Variants in ADAP1 observed in about 807,000 individuals in gnomAD.
ADAP1 encodes the protein arf-GAP with dual PH domain-containing protein 1.
Under a neutral mutation model 54.9 loss-of-function variants are expected in ADAP1, and 31 were observed. The observed-to-expected ratio is 0.56, with a 90% confidence interval of 0.42 to 0.76. ADAP1 has a LOEUF of 0.76. Among genes scored for constraint, ADAP1 ranks in the 30% least tolerant of loss-of-function variants. The pLI is 0.00. For synonymous variants in ADAP1, 313 were observed against 202.6 expected (o/e 1.55, Z -4.63); for missense variants, 535 against 512.4 (o/e 1.04, Z -0.42).
chr7:905,298 CAGG>C, intron 4 of ADAP1, 126 bp from the exon 5 acceptor site: 1 of 260,236 alleles, frequency 3.8e-6, no homozygotes, highest in Non-Finnish European at 6.7e-6. Flanking sequence ...GGGACACGGA[CAGG>C]GGGAGACGGA....
rs1487433822 is a variant in ADAP1 at position 945,038 on chromosome 7, G to A, written c.82+9358C>T. The stretch of plus-strand genomic sequence containing the variant: ...TGAGTATGCTGAAGCTCTGCAGGGT[G>A]GGCTCACGTGTGTGTGTGCAGGTGT... On this transcript the variant is annotated intron_variant, in intron 1 of 10. Transcript: ENST00000265846. This position sits in a 1 kb window ranked among gnomAD's most constrained non-coding sequence, Gnocchi z 4.2. 5.9e-5 allele frequency among the ~76,000 whole-genome samples: 9 copies of A among 152,156 alleles called. No homozygotes were observed. Among genetic ancestry groups the A allele is most frequent in the African/African-American group, 2.4e-5 (1 of 41,436 alleles).
At chr7:906,686 A>G (rs1845415543) in intron 4 of ADAP1, among the ~76,000 whole-genome samples, 1 of 66,264 alleles carries the variant, frequency 1.5e-5, no homozygotes, top group Admixed American at 1.6e-4. Flanking sequence ...GACAGGGGAC[A>G]CGGGGGACAT....
chr7:947,898 G>A (rs1026924071), intron 1 of ADAP1, among the ~76,000 whole-genome samples: 8 of 150,926 alleles, frequency 5.3e-5, no homozygotes, highest in Non-Finnish European at 8.8e-5. Flanking sequence ...CTCTGACCCC[G>A]TCTCCCCGCC....
chr7:921,824 G>A (rs1218268633), intron 3 of ADAP1, among the ~76,000 whole-genome samples: 1 of 152,206 alleles, frequency 6.6e-6, no homozygotes, highest in Non-Finnish European at 1.5e-5. Context: ...GGAAGCCGGG[G>A]GCCTGTGGAT....
At position 920,566 on chromosome 7, in the gene ADAP1, G is replaced by A. The variant is rs551924921; in HGVS notation, c.306-516C>T. 8.3e-4 allele frequency among the ~76,000 whole-genome samples: 126 copies of A among 152,232 alleles called. No homozygotes were observed. Among genetic ancestry groups the A allele is most frequent in the Non-Finnish European group, 1.5e-3 (105 of 67,980 alleles). On this transcript the variant is annotated intron_variant, in intron 3 of 10. Coordinates refer to ENST00000265846, the MANE Select transcript of ADAP1 (RefSeq NM_006869.4). The surrounding 1 kb of genome is among the most constrained non-coding windows in gnomAD (Gnocchi z 4.5). ...CGTGCCGCCCTCCACGTGGTTCTGAGACACAGGACGGAGCTATCAGGGCAC... is the reference window on the plus strand; with the variant it reads ...CGTGCCGCCCTCCACGTGGTTCTGAAACACAGGACGGAGCTATCAGGGCAC...
chr7:941,953 G>A (rs920707227), intron 1 of ADAP1, among the ~76,000 whole-genome samples: 7 of 152,210 alleles, frequency 4.6e-5, no homozygotes, highest in East Asian at 1.9e-4. Context: ...ACGGATAAAC[G>A]GATCAATGGA....
intron 1 of ADAP1, among the ~76,000 whole-genome samples, chr7:937,625 G>A (rs1340600124): frequency 5.3e-5 from 5 of 94,072 alleles, no homozygotes; most frequent in African/African-American, 1.4e-4. Context: ...TGGGATTTGG[G>A]GGTCACGCCC....
chr7:934,595 A>C (rs1017744319), intron 2 of ADAP1, among the ~76,000 whole-genome samples: 1 of 151,880 alleles, frequency 6.6e-6, no homozygotes, highest in Non-Finnish European at 1.5e-5. Context: ...TGACCCTCCC[A>C]CCGGGTCTTC....
At chr7:906,503 GGGAGAAA>G (rs1166062478) in intron 4 of ADAP1, among the ~76,000 whole-genome samples, 98 of 1,040 alleles carry the variant, frequency 0.094, 4 homozygotes, top group Non-Finnish European at 0.13. Flanking sequence ...AAAGGAGAAA[GGGAGAAA>G]GGAGAAAGGA....
rs538864324 is a variant in ADAP1, at chr7:914,768, G to A, written c.388+5200C>T. 1.1e-4 allele frequency among the ~76,000 whole-genome samples: 16 copies of A among 152,318 alleles called. No individual in the cohort carries two copies. In the South Asian group the frequency reaches 1.2e-3, roughly 12 times the overall value. On this transcript the variant is annotated intron_variant, in intron 4 of 10. Coordinates refer to ENST00000265846, the MANE Select transcript of ADAP1 (RefSeq NM_006869.4). ...TCACAGGGCCCTGGAACCCCGCCCT[G>A]CACAGCACCCAGAGACAGCAGCCTG...
rs1562915190 is a variant in ADAP1 at position 906,692 on chromosome 7, GACAT to G, written c.389-1524_389-1521del. 1.2e-4 allele frequency among the ~76,000 whole-genome samples: 5 copies of G among 41,160 alleles called. 1 individual carries two copies. The highest frequency in any genetic ancestry group is 5.2e-4 in the Admixed American group (2 of 3,846). 27.0% of individuals were successfully genotyped at this position (41,160 alleles called of 152,430 possible). On this transcript the variant is annotated intron_variant, in intron 4 of 10. Transcript: ENST00000265846. ...GGGGACATGGACAGGGGACACGGGGGACATGGACATGGGGGACGGGACATCGGGG... is the reference window on the plus strand; with the variant it reads ...GGGGACATGGACAGGGGACACGGGGGGGACATGGGGGACGGGACATCGGGG...
At position 926,340 on chromosome 7, in the gene ADAP1, G is replaced by GCCCCATCCCAGCGCC. The variant is rs1554275827; in HGVS notation, c.305+212_305+213insGGCGCTGGGATGGGG. Among the ~76,000 whole-genome samples the GCCCCATCCCAGCGCC allele has an allele frequency of 1.4e-5, 1 of 71,984 alleles. No individual in the cohort carries two copies. The highest frequency in any genetic ancestry group is 3.3e-5 in the Non-Finnish European group (1 of 29,982). 47.2% of individuals were successfully genotyped at this position (71,984 alleles called of 152,430 possible). On this transcript the variant is annotated intron_variant, in intron 3 of 10. Transcript: ENST00000265846. This position sits in a 1 kb window ranked among gnomAD's most constrained non-coding sequence, Gnocchi z 4.6. Reference sequence around the variant, plus strand: ...CTACTGATGCACAATGACCTTCCCAGCCCCACCCCAGCGCCCCCCGCCCCA... The same window carrying GCCCCATCCCAGCGCC: ...CTACTGATGCACAATGACCTTCCCAGCCCCATCCCAGCGCCCCCCACCCCAGCGCCCCCCGCCCCA...
At chr7:939,126 A>G (rs1846864779) in intron 1 of ADAP1, among the ~76,000 whole-genome samples, 1 of 152,218 alleles carries the variant, frequency 6.6e-6, no homozygotes, top group Admixed American at 6.6e-5. Context: ...ACTGGAACTC[A>G]GCCATGCCCA....
intron 4 of ADAP1, among the ~76,000 whole-genome samples, chr7:915,925 T>G: frequency 6.9e-6 from 1 of 144,146 alleles, no homozygotes; most frequent in South Asian, 2.2e-4. Context: ...GCGCCCACTT[T>G]CCACGAGATG....
intron 2 of ADAP1, among the ~76,000 whole-genome samples, chr7:927,769 T>TG (rs1244683882): frequency 6.6e-6 from 1 of 152,186 alleles, no homozygotes; most frequent in Non-Finnish European, 1.5e-5. Flanking sequence ...AACTGGCGTG[T>TG]GCTCCCGAGG....
chr7:904,805 G>A (rs943824672), intron 5 of ADAP1, among the ~76,000 whole-genome samples: 8 of 152,222 alleles, frequency 5.3e-5, no homozygotes, highest in African/African-American at 1.2e-4. Flanking sequence ...CCTCTCCCAC[G>A]GCTGGGCCTG....
At chr7:927,390 C>T (rs1007517148) in intron 2 of ADAP1, 3 of 539,770 alleles carry the variant, frequency 5.6e-6, no homozygotes, top group East Asian at 6.9e-5. Context: ...CAGGAGGGGC[C>T]GCCACACCCC....
intron 5 of ADAP1, 135 bp downstream of exon 5, chr7:904,925 C>A (rs1194993139): frequency 1.2e-5 from 9 of 760,564 alleles, no homozygotes; most frequent in African/African-American, 3.4e-5. Flanking sequence ...CAGGCCGGTT[C>A]TCCTGGAGCG....
Position 905,285 on chromosome 7 carries a change from CGGGGGACACGGACA to C in ADAP1, c.389-127_389-114del, listed in dbSNP as rs761122894. On this transcript the variant is annotated intron_variant, in intron 4 of 10. Transcript: ENST00000265846. ...GGGGAGAAGACACGGGGGACACGGA[CGGGGGACACGGACA>C]GGGGGAGACGGACGGGGAGAGGGGA... 627 of 235,896 alleles carry C rather than the reference CGGGGGACACGGACA, an allele frequency of 2.7e-3. 26 individuals are homozygous for C. Among genetic ancestry groups the C allele is most frequent in the Middle Eastern group, 0.011 (18 of 1,584 alleles). The allele number at this position is 235,896 out of a possible 1,614,324, so 14.6% of individuals were successfully genotyped here.
Sources: allele counts gnomAD v4.1 joint callset (sites outside exome capture counted in the v4.1 genomes callset), GRCh38; gene constraint gnomAD v4.1.1; non-coding constraint Gnocchi (gnomAD v3.1); transcripts MANE v1.5; gene names NCBI Gene and HGNC (gene_info 2026-07-23, HGNC 2026-07-21).